DPP10: variants seen among roughly 807,000 people sequenced by gnomAD.
The protein encoded by DPP10 is dipeptidyl peptidase like 10, also known as inactive dipeptidyl peptidase 10.
Under a neutral mutation model 120.9 loss-of-function variants are expected in DPP10, and 33 were observed. The ratio of observed to expected loss-of-function variants is 0.27; its 90% CI spans 0.21 to 0.37. The LOEUF is 0.37. Among genes scored for constraint, DPP10 ranks in the 10% least tolerant of loss-of-function variants. The probability of loss-of-function intolerance (pLI) is 1.00; values close to 1 mark genes in which losing one functional copy is unlikely to be tolerated. For synonymous variants in DPP10, 337 were observed against 326.1 expected, an observed-to-expected ratio of 1.03 and a Z score of -0.36; for missense variants, 816 against 942.8, an observed-to-expected ratio of 0.87 and a Z score of 1.76.
chr2:114,636,969 T>C (rs773132405), intron 1 of DPP10, among the ~76,000 whole-genome samples: 5 of 151,944 alleles, frequency 3.3e-5, no homozygotes, highest in Non-Finnish European at 5.9e-5. Context: ...CTTGGAAAGA[T>C]GACTGGAGAT....
At chr2:115,048,502 A>G (rs565429807) in intron 1 of DPP10, among the ~76,000 whole-genome samples, 1 of 152,210 alleles carries the variant, frequency 6.6e-6, no homozygotes, top group East Asian at 1.9e-4. Context: ...TGTAGACATA[A>G]GCTAATTTCC....
chr2:114,465,488 C>T (rs1425360349), intron 1 of DPP10, among the ~76,000 whole-genome samples: 1 of 152,176 alleles, frequency 6.6e-6, no homozygotes, highest in Non-Finnish European at 1.5e-5. Context: ...CTGCTCCCAG[C>T]CAATGGCTGC....
At chr2:114,976,010 A>G (rs1699732817) in intron 1 of DPP10, among the ~76,000 whole-genome samples, 2 of 152,238 alleles carry the variant, frequency 1.3e-5, no homozygotes, top group South Asian at 4.1e-4. Flanking sequence ...AAATAAATTT[A>G]AAATAAACCA....
chr2:114,445,057 T>A (rs541302182), intron 1 of DPP10, among the ~76,000 whole-genome samples: 1 of 152,142 alleles, frequency 6.6e-6, no homozygotes, highest in Non-Finnish European at 1.5e-5. Context: ...CAAAATGCAA[T>A]AACAATCTAA....
At chr2:114,942,893 G>T (rs1288172394) in intron 1 of DPP10, among the ~76,000 whole-genome samples, 1 of 152,042 alleles carries the variant, frequency 6.6e-6, no homozygotes, top group Non-Finnish European at 1.5e-5. Flanking sequence ...TTGTAAAAAT[G>T]AACTGTTTTT....
At chr2:114,991,065 T>G (rs1700727038) in intron 1 of DPP10, among the ~76,000 whole-genome samples, 1 of 152,214 alleles carries the variant, frequency 6.6e-6, no homozygotes, top group Admixed American at 6.5e-5. Flanking sequence ...TATAACTACA[T>G]AACAGAAAAT....
At chr2:114,857,966 T>C (rs1007159012) in intron 1 of DPP10, among the ~76,000 whole-genome samples, 1 of 152,130 alleles carries the variant, frequency 6.6e-6, no homozygotes, top group African/African-American at 2.4e-5. Flanking sequence ...AGAAAGCTAC[T>C]TGGCATTTTT....
chr2:114,668,872 T>G (rs769061688), intron 1 of DPP10, among the ~76,000 whole-genome samples: 3 of 152,156 alleles, frequency 2.0e-5, no homozygotes, highest in Non-Finnish European at 4.4e-5. Flanking sequence ...CTCTCTCTCC[T>G]GTATTTTCAT....
intron 1 of DPP10, among the ~76,000 whole-genome samples, chr2:114,847,455 A>G (rs1445857077): frequency 6.6e-6 from 1 of 152,092 alleles, no homozygotes; most frequent in Non-Finnish European, 1.5e-5. Context: ...TTAATTTGTA[A>G]ATTTCTTGAA....
chr2:115,379,457 G>A (rs1289167381), intron 3 of DPP10, among the ~76,000 whole-genome samples: 2 of 151,818 alleles, frequency 1.3e-5, no homozygotes, highest in South Asian at 4.2e-4. Flanking sequence ...TTGTTTATTA[G>A]TCTTGCTAGC....
chr2:114,598,848 C>G (rs1692136077), intron 1 of DPP10, among the ~76,000 whole-genome samples: 1 of 151,756 alleles, frequency 6.6e-6, no homozygotes, highest in African/African-American at 2.4e-5. Context: ...TAAATAAACA[C>G]TGTTGGTATA....
At chr2:115,452,239 A>G (rs1443566177) in intron 3 of DPP10, among the ~76,000 whole-genome samples, 1 of 151,958 alleles carries the variant, frequency 6.6e-6, no homozygotes, top group Non-Finnish European at 1.5e-5. Flanking sequence ...TAAGAGGGCT[A>G]TTACATGAGG....
intron 3 of DPP10, among the ~76,000 whole-genome samples, chr2:115,494,243 T>G (rs2076278089): frequency 6.6e-6 from 1 of 152,132 alleles, no homozygotes; most frequent in Non-Finnish European, 1.5e-5. Flanking sequence ...TGCATGTACT[T>G]TTTTTCTTTA....
intron 1 of DPP10, among the ~76,000 whole-genome samples, chr2:114,802,828 AAAT>A (rs1684378308): frequency 2.0e-5 from 3 of 152,312 alleles, no homozygotes; most frequent in Admixed American, 2.0e-4. Flanking sequence ...TTTCAAGGGT[AAAT>A]AATAATAATT....
chr2:114,793,033 TC>T (rs1450720220), intron 1 of DPP10, among the ~76,000 whole-genome samples: 146 of 149,910 alleles, frequency 9.7e-4, no homozygotes, highest in Admixed American at 1.7e-3. Flanking sequence ...TGTGTGTGTT[TC>T]TATTAATATC....
chr2:115,298,354 A>G (rs80097689), intron 1 of DPP10, among the ~76,000 whole-genome samples: 1,538 of 152,184 alleles, frequency 0.01, 23 homozygotes, highest in African/African-American at 0.036. Flanking sequence ...ATTAGATATT[A>G]AAATGCAGGT....
chr2:115,362,598 A>G (rs138913275), intron 3 of DPP10, among the ~76,000 whole-genome samples: 13 of 152,328 alleles, frequency 8.5e-5, no homozygotes, highest in African/African-American at 2.4e-4. Context: ...TTGGGTGATC[A>G]TGTGATAAAG....
At chr2:114,726,814 G>A (rs555966997) in intron 1 of DPP10, among the ~76,000 whole-genome samples, 2 of 152,042 alleles carry the variant, frequency 1.3e-5, no homozygotes, top group East Asian at 3.9e-4. Context: ...TTTTTTCCTG[G>A]GAATATTTCA....
intron 3 of DPP10, among the ~76,000 whole-genome samples, chr2:115,458,601 G>C (rs976401843): frequency 2.0e-5 from 3 of 151,958 alleles, no homozygotes; most frequent in Non-Finnish European, 2.9e-5. Context: ...ATATGTTTTA[G>C]GTTCAATAAA....
Sources: gnomAD v4.1 joint callset for allele counts (sites outside exome capture counted in the v4.1 genomes callset) on GRCh38, gnomAD v4.1.1 for gene constraint, MANE v1.5 for transcripts, NCBI Gene and HGNC (gene_info 2026-07-23, HGNC 2026-07-21) for gene names.